GDPD5: variants seen among roughly 807,000 people sequenced by gnomAD.
GDPD5 encodes the protein glycerophosphodiester phosphodiesterase domain containing 5.
A neutral mutation model predicts 75.1 loss-of-function variants in GDPD5; 48 were observed. The observed-to-expected ratio is 0.64, with a 90% CI of 0.51 to 0.81. The LOEUF (loss-of-function observed/expected upper bound fraction) is 0.81. Ranked by LOEUF, GDPD5 falls within the 40% of genes least tolerant of loss-of-function variation. The pLI is 0.00. For missense variants in GDPD5, 706 were observed against 822.6 expected (o/e 0.86, Z 1.73); for synonymous variants, 336 against 339.0 (o/e 0.99, Z 0.10).
chr11:75,470,085 G>C (rs1456849472), intron 3 of GDPD5, among the ~76,000 whole-genome samples: 2 of 152,228 alleles, frequency 1.3e-5, no homozygotes, highest in Non-Finnish European at 2.9e-5. Flanking sequence ...GTTATAGGAG[G>C]AGGGGTGAGC....
intron 13 of GDPD5, 106 bp from the exon 14 acceptor site, chr11:75,441,416 G>A (rs977617658): frequency 3.7e-5 from 53 of 1,416,036 alleles, no homozygotes; most frequent in South Asian, 1.3e-4. Flanking sequence ...AGCCATGCCC[G>A]GGGCAAGGAA....
chr11:75,480,428 G>A (rs1365958376), intron 2 of GDPD5, among the ~76,000 whole-genome samples: 2 of 152,010 alleles, frequency 1.3e-5, no homozygotes, highest in Non-Finnish European at 2.9e-5. Context: ...TGCAATCATC[G>A]CTCATGGCCA....
At chr11:75,449,238 A>T (rs1949066325) in intron 8 of GDPD5, 116 bp from the exon 9 acceptor site, 1 of 1,285,596 alleles carries the variant, frequency 7.8e-7, no homozygotes, top group Non-Finnish European at 1.1e-6. Flanking sequence ...GGAAGCCCTT[A>T]TTCTTGCTGG....
chr11:75,503,323 G>T (rs1416211853), intron 1 of GDPD5, among the ~76,000 whole-genome samples: 1 of 152,220 alleles, frequency 6.6e-6, no homozygotes, highest in Non-Finnish European at 1.5e-5. Context: ...GCCCAGCCAT[G>T]ATTGTTCCTA....
intron 1 of GDPD5, among the ~76,000 whole-genome samples, chr11:75,517,654 T>C (rs1592169109): frequency 6.6e-6 from 1 of 152,254 alleles, no homozygotes; most frequent in East Asian, 1.9e-4. Flanking sequence ...CTGGCACTGA[T>C]AGGGGTTTAG....
intron 2 of GDPD5, 23 bp from the exon 3 acceptor site, chr11:75,477,818 G>C (rs534554016): frequency 1.2e-5 from 11 of 916,070 alleles, no homozygotes; most frequent in Non-Finnish European, 1.6e-5. Flanking sequence ...GCACAGGGCA[G>C]TGAGGCAGGG....
At chr11:75,473,506 C>T (rs1949714622) in intron 3 of GDPD5, among the ~76,000 whole-genome samples, 1 of 152,070 alleles carries the variant, frequency 6.6e-6, no homozygotes, top group Admixed American at 6.5e-5. Flanking sequence ...CTGTGTATAC[C>T]TCCTCACTCC....
In GDPD5 at chr11:75,477,777, TG is replaced by T; in HGVS notation, c.-43del. ...CTGGCGCCTGGCCCTCAGGCGCCCA[TG>T]GAGGCCCCCAGCTTGTCCTGCAGGA... On this transcript the variant is annotated 5_prime_UTR_variant, in exon 3 of 17. Coordinates refer to ENST00000336898, the MANE Select transcript of GDPD5 (RefSeq NM_030792.8). 1 of 1,399,686 alleles carries T rather than the reference TG, an allele frequency of 7.1e-7. No individual in the cohort carries two copies. Among genetic ancestry groups the T allele is most frequent in the Non-Finnish European group, 9.8e-7 (1 of 1,023,820 alleles). The allele number at this position is 1,399,686 out of a possible 1,614,324, so 86.7% of individuals were successfully genotyped here. A position where few individuals can be genotyped will look rare whatever the true frequency, so the allele number is the denominator to read the frequency against.
chr11:75,457,919 G>GTA, intron 4 of GDPD5, 133 bp from the exon 5 acceptor site: 1 of 643,038 alleles, frequency 1.6e-6, no homozygotes, highest in Admixed American at 2.7e-5. Context: ...CTAGCAATAA[G>GTA]GCTCAGCGTC....
At chr11:75,499,211 A>C (rs1259760779) in intron 1 of GDPD5, among the ~76,000 whole-genome samples, 1 of 152,024 alleles carries the variant, frequency 6.6e-6, no homozygotes, top group Non-Finnish European at 1.5e-5. Context: ...TCTTGCAAGC[A>C]GCAGAACATG....
intron 2 of GDPD5, among the ~76,000 whole-genome samples, chr11:75,485,122 T>C (rs989060123): frequency 2.0e-5 from 3 of 152,132 alleles, no homozygotes; most frequent in Non-Finnish European, 4.4e-5. Flanking sequence ...TCCAACTAAG[T>C]GACGTTCTAG....
At chr11:75,456,547 T>C in intron 6 of GDPD5, 1 of 593,470 alleles carries the variant, frequency 1.7e-6, no homozygotes, top group Non-Finnish European at 3.0e-6. Context: ...TAACAGTACC[T>C]ACATCACAAG....
chr11:75,452,508 G>A (rs1211239251), intron 6 of GDPD5, among the ~76,000 whole-genome samples: 1 of 152,228 alleles, frequency 6.6e-6, no homozygotes, highest in Non-Finnish European at 1.5e-5. Context: ...TGAAATGACT[G>A]TGAAATTCTG....
chr11:75,473,819 G>A (rs563580923), intron 3 of GDPD5, among the ~76,000 whole-genome samples: 64 of 152,252 alleles, frequency 4.2e-4, no homozygotes, highest in African/African-American at 1.5e-3. Flanking sequence ...AGATGGGGCC[G>A]ATACTCCCAG....
chr11:75,507,117 A>G (rs1950417015), intron 1 of GDPD5: 2 of 152,604 alleles, frequency 1.3e-5, no homozygotes, highest in African/African-American at 4.8e-5. Flanking sequence ...AAACAGGGAA[A>G]GAAAGAGGAG....
rs999468174 is a variant in GDPD5, at chr11:75,525,466, TG to T, written c.-402del. On this transcript the variant is annotated 5_prime_UTR_variant, in exon 1 of 17. Coordinates refer to ENST00000336898, the MANE Select transcript of GDPD5 (RefSeq NM_030792.8). ...GTTGGGGTCTCGTGAAGCCAGAGGC[TG>T]GGGGGGTCCGGGGTCCCGTGCACCG... 2.6e-5 allele frequency: 4 copies of T among 152,306 alleles called. No homozygotes were observed. Among genetic ancestry groups the T allele is most frequent in the Non-Finnish European group, 4.4e-5 (3 of 68,208 alleles). The allele number at this position is 152,306 out of a possible 1,614,324, so 9.4% of individuals were successfully genotyped here.
rs186926743 is a variant in GDPD5, at chr11:75,445,531, C to T, written c.715-1036G>A. 1.4e-4 allele frequency among the ~76,000 whole-genome samples: 21 copies of T among 152,282 alleles called. 1 individual carries two copies. The East Asian group carries it at 4.1e-3, about 29-fold the overall frequency. On this transcript the variant is annotated intron_variant, in intron 9 of 16. Coordinates refer to ENST00000336898, the MANE Select transcript of GDPD5 (RefSeq NM_030792.8). ...GGTCAGCACCAAACCAAGGATTGGG[C>T]GAAGACCAGGTCCATGAGGGATGGT...
intron 2 of GDPD5, among the ~76,000 whole-genome samples, chr11:75,484,954 C>T (rs985724666): frequency 3.9e-5 from 6 of 152,044 alleles, no homozygotes; most frequent in African/African-American, 9.7e-5. Flanking sequence ...TGGGCCTGAA[C>T]GAATGGGCAA....
chr11:75,494,305 C>T (rs186796715), intron 1 of GDPD5, among the ~76,000 whole-genome samples: 8 of 151,496 alleles, frequency 5.3e-5, no homozygotes, highest in Admixed American at 5.3e-4. Context: ...GCAACCTCCG[C>T]CTCCCAGGTT....
Sources: allele counts gnomAD v4.1 joint callset (sites outside exome capture counted in the v4.1 genomes callset), GRCh38; gene constraint gnomAD v4.1.1; transcripts MANE v1.5; gene names NCBI Gene and HGNC (gene_info 2026-07-23, HGNC 2026-07-21).